ABCD3: variants seen among roughly 807,000 people sequenced by gnomAD.
ABCD3 encodes ATP binding cassette subfamily D member 3, also known as ATP-binding cassette sub-family D member 3.
Under a neutral mutation model 105.5 loss-of-function variants are expected in ABCD3, and 41 were observed. That is an observed-to-expected ratio of 0.39 (90% CI 0.30 to 0.50). The LOEUF (loss-of-function observed/expected upper bound fraction) is 0.50, where lower values mean the gene tolerates loss of function less well. Among genes scored for constraint, ABCD3 ranks in the 20% least tolerant of loss-of-function variants. ABCD3 has a pLI of 0.84. For synonymous variants in ABCD3, 258 were observed against 269.0 expected, an observed-to-expected ratio of 0.96 and a Z score of 0.40; for missense variants, 622 against 806.3, an observed-to-expected ratio of 0.77 and a Z score of 2.77.
intron 13 of ABCD3, 130 bp from the exon 14 acceptor site, chr1:94,489,595 T>C: frequency 2.8e-6 from 2 of 722,806 alleles, no homozygotes; most frequent in Non-Finnish European, 5.0e-6. Flanking sequence ...ATTAATACTT[T>C]ATGTTGATGA....
chr1:94,468,474 T>A (rs1648269616), intron 4 of ABCD3, among the ~76,000 whole-genome samples: 1 of 152,238 alleles, frequency 6.6e-6, no homozygotes, highest in East Asian at 1.9e-4. Context: ...GTGCTTTTTA[T>A]ATTTTTTCAT....
intron 1 of ABCD3, among the ~76,000 whole-genome samples, chr1:94,420,709 A>G (rs1659225739): frequency 6.6e-6 from 1 of 152,194 alleles, no homozygotes; most frequent in African/African-American, 2.4e-5. Flanking sequence ...CCAGAAGCTT[A>G]CAAATATCTT....
At chr1:94,389,675 T>G in the ABCD3 span, among the ~76,000 whole-genome samples, 1 of 152,214 alleles carries the variant, frequency 6.6e-6, no homozygotes, top group African/African-American at 2.4e-5. Flanking sequence ...GATTTCCCAC[T>G]CCACATGCTA....
rs1659109144 is a variant in ABCD3 at position 94,418,442 on chromosome 1, C to T, written c.-37C>T. On this transcript the variant is annotated 5_prime_UTR_variant, in exon 1 of 23. Transcript: ENST00000370214. ...AGGTAGCCGCCGCCGCCGCCGCCGC[C>T]GCGTCCCCTCGCCGGCTCGCTGGTA... The T allele has an allele frequency of 1.9e-6, 3 of 1,547,758 alleles. No individual in the cohort carries two copies. The highest frequency in any genetic ancestry group is 1.9e-4 in the Middle Eastern group (1 of 5,168).
rs1247981365 is a variant in ABCD3 at position 94,487,571 on chromosome 1, T to G, written c.927T>G (p.Phe309Leu). 6.2e-7 allele frequency: 1 copy of G among 1,613,908 alleles called. No individual in the cohort carries two copies. Among genetic ancestry groups the G allele is most frequent in the Non-Finnish European group, 8.5e-7 (1 of 1,179,884 alleles). The change falls in exon 11 of 23, where the codon TTT becomes TTG. Residue 309 changes from phenylalanine (F) to leucine (L), a missense_variant. By Grantham distance (22) the Phe-to-Leu change is conservative. Coordinates refer to ENST00000370214, the MANE Select transcript of ABCD3 (RefSeq NM_002858.4). ...LVEHLHNFIL[F>L]RFSMGFIDSI... ...AACACCTACATAATTTCATTTTGTT[T>G]CGGTTTTCAATGGGCTTCATTGATA...
chr1:94,392,797 A>G, the ABCD3 span, among the ~76,000 whole-genome samples: 1 of 152,120 alleles, frequency 6.6e-6, no homozygotes, highest in Non-Finnish European at 1.5e-5. Context: ...ACCTTTTTTT[A>G]AAGAAAAGAG....
At chr1:94,501,269 A>C (rs1446940098) in intron 20 of ABCD3, among the ~76,000 whole-genome samples, 4 of 151,568 alleles carry the variant, frequency 2.6e-5, no homozygotes, top group Non-Finnish European at 5.9e-5. Context: ...TCAAAAGAAA[A>C]AAAAAAAAAA....
intron 13 of ABCD3, among the ~76,000 whole-genome samples, chr1:94,488,580 A>G (rs1478413631): frequency 6.6e-6 from 1 of 152,098 alleles, no homozygotes; most frequent in Non-Finnish European, 1.5e-5. Flanking sequence ...GGTCACCTGA[A>G]GAAGTTTGAT....
At position 94,418,439 on chromosome 1, in the gene ABCD3, C is replaced by G. The variant is rs4148058; in HGVS notation, c.-40C>G. 6.5e-7 allele frequency: 1 copy of G among 1,546,730 alleles called. No individual in the cohort carries two copies. Among genetic ancestry groups the G allele is most frequent in the South Asian group, 1.2e-5 (1 of 86,472 alleles). On this transcript the variant is annotated 5_prime_UTR_variant, in exon 1 of 23. Transcript: ENST00000370214. Reference sequence around the variant, plus strand: ...GTAAGGTAGCCGCCGCCGCCGCCGCCGCCGCGTCCCCTCGCCGGCTCGCTG... The same window carrying G: ...GTAAGGTAGCCGCCGCCGCCGCCGCGGCCGCGTCCCCTCGCCGGCTCGCTG...
At chr1:94,434,976 G>GTT (rs796955039) in intron 1 of ABCD3, among the ~76,000 whole-genome samples, 2 of 148,586 alleles carry the variant, frequency 1.3e-5, no homozygotes, top group African/African-American at 2.5e-5. Flanking sequence ...TGTGTTTGTG[G>GTT]TTTTTTTTTT....
intron 1 of ABCD3, among the ~76,000 whole-genome samples, chr1:94,447,499 A>G (rs945999886): frequency 7.2e-5 from 11 of 152,224 alleles, no homozygotes; most frequent in African/African-American, 2.2e-4. Flanking sequence ...GCAGTAAACA[A>G]CCTACAGCCT....
chr1:94,406,203 G>A, the ABCD3 span, among the ~76,000 whole-genome samples: 1 of 151,492 alleles, frequency 6.6e-6, no homozygotes, highest in African/African-American at 2.4e-5. Flanking sequence ...TGAGTGAGAA[G>A]GGATATTACC....
At chr1:94,458,948 C>T (rs1647728618) in intron 2 of ABCD3, among the ~76,000 whole-genome samples, 1 of 106,002 alleles carries the variant, frequency 9.4e-6, no homozygotes, top group African/African-American at 3.5e-5. Context: ...CCCCTCCCTT[C>T]CCCTCCCCGC....
In ABCD3 at chr1:94,489,058, A is replaced by G. The variant is rs562978331; in HGVS notation, c.1158-667A>G. Reference sequence around the variant, plus strand: ...ATCACCTCCCAAAGTTTGCTTTAGGAGGTTTCTGCTTTTTATTCAGAGAAA... The same window carrying G: ...ATCACCTCCCAAAGTTTGCTTTAGGGGGTTTCTGCTTTTTATTCAGAGAAA... On this transcript the variant is annotated intron_variant, in intron 13 of 22. Transcript: ENST00000370214. Among the ~76,000 whole-genome samples, 4 of 152,118 alleles carry G rather than the reference A, an allele frequency of 2.6e-5. No homozygotes were observed. In the South Asian group the frequency reaches 8.3e-4, roughly 32 times the overall value.
intron 1 of ABCD3, among the ~76,000 whole-genome samples, chr1:94,424,347 C>G (rs1450447447): frequency 1.3e-5 from 2 of 152,082 alleles, no homozygotes; most frequent in Non-Finnish European, 2.9e-5. Context: ...ACTCACATTG[C>G]TTACTCTCCC....
the ABCD3 span, among the ~76,000 whole-genome samples, chr1:94,396,225 A>C: frequency 5.3e-5 from 8 of 152,162 alleles, no homozygotes; most frequent in African/African-American, 7.2e-5. Context: ...AGTGTCTCTT[A>C]GCTTCAGTTT....
chr1:94,510,091 A>G (rs905470820), intron 21 of ABCD3, among the ~76,000 whole-genome samples: 6 of 151,958 alleles, frequency 3.9e-5, no homozygotes, highest in Admixed American at 3.3e-4. Flanking sequence ...TAGGGTGTCA[A>G]TTTTGGATCT....
chr1:94,442,391 T>TG (rs1660166519), intron 1 of ABCD3, among the ~76,000 whole-genome samples: 2 of 152,234 alleles, frequency 1.3e-5, no homozygotes, highest in African/African-American at 4.8e-5. Flanking sequence ...TAGTGAATCT[T>TG]ATAAACAAGT....
intron 1 of ABCD3, chr1:94,455,937 T>C (rs1647533442): frequency 1.2e-6 from 1 of 810,868 alleles, no homozygotes; most frequent in Non-Finnish European, 1.6e-6. Context: ...TGAATACTAA[T>C]TTTTTTATTT....
Sources: allele counts gnomAD v4.1 joint callset (sites outside exome capture counted in the v4.1 genomes callset), GRCh38; gene constraint gnomAD v4.1.1; transcripts MANE v1.5; gene names NCBI Gene and HGNC (gene_info 2026-07-23, HGNC 2026-07-21).